Variants in CDH12 observed in about 807,000 individuals in gnomAD.
CDH12 encodes the protein cadherin 12, also known as cadherin-12.
CDH12 carries 41 observed loss-of-function variants against 74.1 expected under a neutral mutation model. That is an observed-to-expected ratio of 0.55 (90% CI 0.43 to 0.72). The LOEUF is 0.72. CDH12 is among the 30% of genes least tolerant of loss of function. The probability of loss-of-function intolerance (pLI) is 0.00; values close to 1 mark genes in which losing one functional copy is unlikely to be tolerated. For synonymous variants in CDH12, 399 were observed against 355.0 expected (o/e 1.12, Z -1.39); for missense variants, 945 against 977.2 (o/e 0.97, Z 0.44).
At chr5:22,348,737 G>C (rs1740231326) in intron 3 of CDH12, among the ~76,000 whole-genome samples, 1 of 152,124 alleles carries the variant, frequency 6.6e-6, no homozygotes, top group South Asian at 2.1e-4. Flanking sequence ...ATTATGAATT[G>C]AATTATTTCA....
At chr5:22,572,612 T>C (rs1475821551) in intron 1 of CDH12, among the ~76,000 whole-genome samples, 1 of 152,170 alleles carries the variant, frequency 6.6e-6, no homozygotes, top group East Asian at 1.9e-4. Flanking sequence ...ATTGGATTTA[T>C]AGAAGTCTCA....
chr5:22,098,475 A>T (rs1743932546), intron 4 of CDH12, among the ~76,000 whole-genome samples: 1 of 152,094 alleles, frequency 6.6e-6, no homozygotes, highest in Admixed American at 6.5e-5. Flanking sequence ...CCTAGTCCTC[A>T]TGTTTGCGTG....
At chr5:21,802,521 T>C in intron 9 of CDH12, 101 bp from the exon 10 acceptor site, 1 of 969,318 alleles carries the variant, frequency 1.0e-6, no homozygotes, top group East Asian at 2.5e-5. Flanking sequence ...TTATCAATTA[T>C]ACTGGTTTAA....
chr5:22,226,473 T>C (rs1250663323), intron 3 of CDH12, among the ~76,000 whole-genome samples: 1 of 151,884 alleles, frequency 6.6e-6, no homozygotes, highest in Non-Finnish European at 1.5e-5. Flanking sequence ...TGGTACTATC[T>C]GAGAGAGACT....
intron 8 of CDH12, among the ~76,000 whole-genome samples, chr5:21,840,971 C>G (rs1749810971): frequency 6.6e-6 from 1 of 151,700 alleles, no homozygotes; most frequent in South Asian, 2.1e-4. Context: ...TCTAAAACAC[C>G]AAAAGCAATG....
chr5:22,128,661 T>C (rs1009874448), intron 4 of CDH12, among the ~76,000 whole-genome samples: 1 of 152,166 alleles, frequency 6.6e-6, no homozygotes. Context: ...AAACTATAGC[T>C]GTTCCCCTAA....
At chr5:22,508,994 T>G (rs977482663) in intron 1 of CDH12, among the ~76,000 whole-genome samples, 1 of 152,158 alleles carries the variant, frequency 6.6e-6, no homozygotes, top group African/African-American at 2.4e-5. Flanking sequence ...AACCAACTTA[T>G]AGATCTACTT....
At chr5:22,523,541 C>G (rs1444701366) in intron 1 of CDH12, among the ~76,000 whole-genome samples, 1 of 152,186 alleles carries the variant, frequency 6.6e-6, no homozygotes, top group Non-Finnish European at 1.5e-5. Context: ...TCAAATATTT[C>G]AGGTTCCACG....
At chr5:21,843,518 CTTT>C in intron 7 of CDH12, among the ~76,000 whole-genome samples, 1 of 145,078 alleles carries the variant, frequency 6.9e-6, no homozygotes, top group African/African-American at 2.5e-5. Context: ...TGTACTGACA[CTTT>C]TTTTTTTTTT....
chr5:22,791,950 T>C (rs537739761), intron 1 of CDH12, among the ~76,000 whole-genome samples: 4 of 152,258 alleles, frequency 2.6e-5, no homozygotes, highest in South Asian at 2.1e-4. Flanking sequence ...ATCAGTAACA[T>C]TTCTAAAATT....
intron 1 of CDH12, among the ~76,000 whole-genome samples, chr5:22,570,703 G>A (rs958311345): frequency 1.3e-5 from 2 of 152,084 alleles, no homozygotes; most frequent in Admixed American, 6.6e-5. Flanking sequence ...TGATAAATGA[G>A]CATTGGCTTC....
At chr5:22,478,143 G>T (rs1481530386) in intron 2 of CDH12, among the ~76,000 whole-genome samples, 1 of 152,046 alleles carries the variant, frequency 6.6e-6, no homozygotes, top group African/African-American at 2.4e-5. Flanking sequence ...AATAGGCCAG[G>T]CACGGTGGCT....
chr5:22,835,101 C>T (rs1377869357), intron 1 of CDH12, among the ~76,000 whole-genome samples: 4 of 152,088 alleles, frequency 2.6e-5, no homozygotes, highest in Non-Finnish European at 4.4e-5. Flanking sequence ...TCGAAGATGT[C>T]TCCTGCAAGA....
chr5:22,435,851 C>G (rs1350673059), intron 2 of CDH12, among the ~76,000 whole-genome samples: 1 of 151,960 alleles, frequency 6.6e-6, no homozygotes, highest in South Asian at 2.1e-4. Flanking sequence ...TACCCAGGAG[C>G]TGACTTAGCC....
chr5:21,980,080 G>A (rs1220084759), intron 5 of CDH12, among the ~76,000 whole-genome samples: 1 of 150,854 alleles, frequency 6.6e-6, no homozygotes, highest in African/African-American at 2.4e-5. Flanking sequence ...CTGCATAAAT[G>A]TCTTCTTTTG....
chr5:22,186,001 C>T (rs1749919946), intron 4 of CDH12, among the ~76,000 whole-genome samples: 1 of 152,134 alleles, frequency 6.6e-6, no homozygotes, highest in Non-Finnish European at 1.5e-5. Context: ...AAGAGAAATA[C>T]TTGAGTCATT....
chr5:22,268,696 T>C (rs747315158), intron 3 of CDH12, among the ~76,000 whole-genome samples: 9 of 152,192 alleles, frequency 5.9e-5, no homozygotes, highest in Non-Finnish European at 1.2e-4. Flanking sequence ...ATTTATCTTG[T>C]ATTATCTGCA....
At chr5:21,779,529 A>C (rs2149893790) in intron 11 of CDH12, 1 of 152,360 alleles carries the variant, frequency 6.6e-6, no homozygotes, top group Non-Finnish European at 1.5e-5. Context: ...GTAATGCATA[A>C]AAGAATTATT....
At chr5:22,169,586 G>A (rs559174578) in intron 4 of CDH12, among the ~76,000 whole-genome samples, 2 of 151,858 alleles carry the variant, frequency 1.3e-5, no homozygotes, top group Admixed American at 1.3e-4. Flanking sequence ...TTTACACCTA[G>A]CATTCTGGAG....
Sources: gnomAD v4.1 joint callset for allele counts (sites outside exome capture counted in the v4.1 genomes callset) on GRCh38, gnomAD v4.1.1 for gene constraint, MANE v1.5 for transcripts, NCBI Gene and HGNC (gene_info 2026-07-23, HGNC 2026-07-21) for gene names.